The following DPP10 variants were observed in gnomAD, a reference collection of about 807,000 sequenced individuals.
DPP10 encodes dipeptidyl peptidase like 10, also known as inactive dipeptidyl peptidase 10.
In DPP10, 33 loss-of-function variants were observed where a neutral mutation model predicts 120.9. That is an observed-to-expected ratio of 0.27 (90% CI 0.21 to 0.37). The LOEUF is 0.37. Ranked by LOEUF, DPP10 falls within the 10% of genes least tolerant of loss-of-function variation. DPP10 has a pLI of 1.00. For synonymous variants in DPP10, 337 were observed against 326.1 expected, an observed-to-expected ratio of 1.03 and a Z score of -0.36; for missense variants, 816 against 942.8, an observed-to-expected ratio of 0.87 and a Z score of 1.76.
intron 1 of DPP10, among the ~76,000 whole-genome samples, chr2:114,837,420 C>G (rs921352688): frequency 2.0e-5 from 3 of 152,110 alleles, no homozygotes; most frequent in African/African-American, 4.8e-5. Flanking sequence ...AGGGCAGGCT[C>G]TTTATCTTTT....
chr2:115,171,825 G>T (rs969529412), intron 1 of DPP10, among the ~76,000 whole-genome samples: 1 of 152,106 alleles, frequency 6.6e-6, no homozygotes, highest in Non-Finnish European at 1.5e-5. Flanking sequence ...TTCTAGGTCA[G>T]TGGTCCTTAG....
At chr2:114,448,860 A>C (rs1419476642) in intron 1 of DPP10, among the ~76,000 whole-genome samples, 1 of 152,184 alleles carries the variant, frequency 6.6e-6, no homozygotes, top group African/African-American at 2.4e-5. Flanking sequence ...TAGACATTAA[A>C]TATATATTTG....
chr2:114,706,361 C>T (rs1046138360), intron 1 of DPP10, among the ~76,000 whole-genome samples: 2 of 152,150 alleles, frequency 1.3e-5, no homozygotes, highest in Admixed American at 6.6e-5. Flanking sequence ...CAGTAATTTA[C>T]GCTTTCACAG....
chr2:114,836,439 C>T (rs1261047776), intron 1 of DPP10, among the ~76,000 whole-genome samples: 1 of 152,036 alleles, frequency 6.6e-6, no homozygotes, highest in African/African-American at 2.4e-5. Context: ...TCTGTGATGC[C>T]CCACAAGCCG....
chr2:115,804,850 T>C (rs1412109464), intron 19 of DPP10, among the ~76,000 whole-genome samples: 1 of 152,076 alleles, frequency 6.6e-6, no homozygotes, highest in African/African-American at 2.4e-5. Context: ...TTCTGGGGAG[T>C]GCCTCCCAGT....
chr2:115,508,081 T>C (rs1415650843), intron 4 of DPP10, among the ~76,000 whole-genome samples: 1 of 152,198 alleles, frequency 6.6e-6, no homozygotes, highest in African/African-American at 2.4e-5. Flanking sequence ...ATCTATTTCA[T>C]GGTTAGGTCT....
Position 115,499,618 on chromosome 2 carries a change from A to G in DPP10, c.366+14A>G, listed in dbSNP as rs2076579393. The G allele has an allele frequency of 1.3e-6, 2 of 1,563,788 alleles. No individual in the cohort carries two copies. The highest frequency in any genetic ancestry group is 2.7e-5 in the African/African-American group (2 of 73,786). On this transcript the variant is annotated intron_variant, in intron 4 of 25. Transcript: ENST00000410059. ...AACACAACTTTTGTAAGTAATGAAT[A>G]ATTAATTACTTTATGCATTTCAGTA...
chr2:115,297,624 G>T (rs1438938826), intron 1 of DPP10, among the ~76,000 whole-genome samples: 1 of 152,042 alleles, frequency 6.6e-6, no homozygotes, highest in Non-Finnish European at 1.5e-5. Flanking sequence ...GCAATGAGAA[G>T]TAACTATGTT....
At chr2:114,837,301 C>T (rs887716533) in intron 1 of DPP10, among the ~76,000 whole-genome samples, 1 of 152,120 alleles carries the variant, frequency 6.6e-6, no homozygotes, top group African/African-American at 2.4e-5. Context: ...TCACAATCCA[C>T]GTTCTTCTGC....
At chr2:115,034,998 G>A (rs1704124807) in intron 1 of DPP10, among the ~76,000 whole-genome samples, 2 of 152,196 alleles carry the variant, frequency 1.3e-5, no homozygotes, top group African/African-American at 4.8e-5. Context: ...ATTGTACCAC[G>A]TAAGGCCTTT....
At chr2:115,003,523 C>A (rs780743071) in intron 1 of DPP10, among the ~76,000 whole-genome samples, 5 of 151,514 alleles carry the variant, frequency 3.3e-5, no homozygotes, top group African/African-American at 9.7e-5. Context: ...AAATAAAAGT[C>A]CAAAAACGAC....
At chr2:115,610,927 C>G (rs149678151) in intron 5 of DPP10, among the ~76,000 whole-genome samples, 1 of 152,026 alleles carries the variant, frequency 6.6e-6, no homozygotes, top group African/African-American at 2.4e-5. Context: ...TGATATTCTT[C>G]GGCATTTCAG....
chr2:115,030,860 C>T (rs1294672741), intron 1 of DPP10, among the ~76,000 whole-genome samples: 3 of 152,116 alleles, frequency 2.0e-5, no homozygotes, highest in Admixed American at 1.3e-4. Flanking sequence ...TGTGGCAGTT[C>T]CTCAAAGTGA....
chr2:115,277,182 C>A (rs1314603995), intron 1 of DPP10, among the ~76,000 whole-genome samples: 2 of 152,066 alleles, frequency 1.3e-5, no homozygotes, highest in African/African-American at 2.4e-5. Context: ...GTGGGATAAA[C>A]AAGCACTGTA....
intron 1 of DPP10, among the ~76,000 whole-genome samples, chr2:115,059,980 G>T (rs966778448): frequency 6.6e-6 from 1 of 151,904 alleles, no homozygotes; most frequent in East Asian, 1.9e-4. Context: ...AGGATGATGC[G>T]TGCACATCTT....
chr2:115,652,354 A>C (rs1203359691), intron 5 of DPP10, among the ~76,000 whole-genome samples: 1 of 151,474 alleles, frequency 6.6e-6, no homozygotes, highest in Non-Finnish European at 1.5e-5. Flanking sequence ...GATATTGCTT[A>C]TTTCTTCATG....
chr2:115,387,591 G>A (rs2067035330), intron 3 of DPP10, among the ~76,000 whole-genome samples: 1 of 152,072 alleles, frequency 6.6e-6, no homozygotes, highest in Non-Finnish European at 1.5e-5. Context: ...AAAGATCCCA[G>A]TCACATTGAA....
chr2:114,804,203 G>A (rs1414162719), intron 1 of DPP10, among the ~76,000 whole-genome samples: 1 of 152,242 alleles, frequency 6.6e-6, no homozygotes, highest in Non-Finnish European at 1.5e-5. Context: ...AAGAATTGAG[G>A]TTTGGGAACC....
At chr2:114,867,544 G>C (rs1030409098) in intron 1 of DPP10, among the ~76,000 whole-genome samples, 1 of 152,098 alleles carries the variant, frequency 6.6e-6, no homozygotes. Flanking sequence ...AATCTCATTA[G>C]ATTTTATGAA....
Sources: allele counts gnomAD v4.1 joint callset (sites outside exome capture counted in the v4.1 genomes callset), GRCh38; gene constraint gnomAD v4.1.1; transcripts MANE v1.5; gene names NCBI Gene and HGNC (gene_info 2026-07-23, HGNC 2026-07-21).